TNS3: variants seen among roughly 807,000 people sequenced by gnomAD.
TNS3 encodes the protein tensin 3.
TNS3 carries 45 observed loss-of-function variants against 140.9 expected under a neutral mutation model. The ratio of observed to expected loss-of-function variants is 0.32; its 90% CI spans 0.25 to 0.41. The LOEUF is 0.41. Among genes scored for constraint, TNS3 ranks in the 10% least tolerant of loss-of-function variants. The pLI, the probability that TNS3 is intolerant of heterozygous loss-of-function variation, is 1.00. For missense variants in TNS3, 1,716 were observed against 1,906.7 expected (o/e 0.90, Z 1.86); for synonymous variants, 815 against 788.4 (o/e 1.03, Z -0.56).
intron 24 of TNS3, among the ~76,000 whole-genome samples, chr7:47,295,787 C>A (rs1785982490): frequency 6.6e-6 from 1 of 152,176 alleles, no homozygotes; most frequent in Non-Finnish European, 1.5e-5. Flanking sequence ...CTGCCTGAGG[C>A]TGGACCTCCT....
chr7:47,377,695 T>G (rs1341905490), intron 16 of TNS3, among the ~76,000 whole-genome samples: 1 of 73,718 alleles, frequency 1.4e-5, no homozygotes, highest in East Asian at 3.3e-4. Flanking sequence ...CTTCCTTCCC[T>G]CTTCCTCTTT....
intron 17 of TNS3, among the ~76,000 whole-genome samples, chr7:47,356,424 T>G (rs2151062922): frequency 6.6e-6 from 1 of 152,196 alleles, no homozygotes; most frequent in East Asian, 1.9e-4. Context: ...AAAGCAAGTC[T>G]GACATCCAGG....
intron 17 of TNS3, among the ~76,000 whole-genome samples, chr7:47,367,413 A>C (rs1790767584): frequency 6.6e-6 from 1 of 152,092 alleles, no homozygotes; most frequent in Non-Finnish European, 1.5e-5. Flanking sequence ...CCAACATGCA[A>C]CTTGCCCCAT....
chr7:47,436,820 T>A (rs916115378), intron 7 of TNS3, among the ~76,000 whole-genome samples: 1 of 152,142 alleles, frequency 6.6e-6, no homozygotes, highest in Non-Finnish European at 1.5e-5. Flanking sequence ...ATATGCAGTA[T>A]ATATGAAAGA....
At chr7:47,302,915 G>A in intron 22 of TNS3, 35 bp downstream of exon 22, 1 of 1,564,016 alleles carries the variant, frequency 6.4e-7, no homozygotes, top group Non-Finnish European at 8.7e-7. Context: ...TGAATGGACA[G>A]AGGGGCCCTT....
chr7:47,396,262 A>G (rs536444523), intron 16 of TNS3, among the ~76,000 whole-genome samples: 10 of 152,234 alleles, frequency 6.6e-5, no homozygotes, highest in African/African-American at 2.4e-4. Flanking sequence ...GCTCCTAGCT[A>G]TGACCCAATG....
intron 17 of TNS3, among the ~76,000 whole-genome samples, chr7:47,361,772 AG>A (rs1461919752): frequency 1.3e-5 from 2 of 152,174 alleles, no homozygotes; most frequent in South Asian, 2.1e-4. Flanking sequence ...CGAGTCTGGG[AG>A]GGACATTAAA....
chr7:47,394,706 A>G (rs530591870), intron 16 of TNS3, among the ~76,000 whole-genome samples: 2 of 152,366 alleles, frequency 1.3e-5, no homozygotes, highest in East Asian at 3.9e-4. Flanking sequence ...GATTCTCCGT[A>G]AAGTTTCATG....
intron 4 of TNS3, among the ~76,000 whole-genome samples, chr7:47,479,456 C>T (rs1797330256): frequency 1.3e-5 from 2 of 152,158 alleles, no homozygotes; most frequent in African/African-American, 4.8e-5. Context: ...CAAACACAGG[C>T]TCCCAAGTCC....
chr7:47,283,013 T>C (rs899783569), intron 28 of TNS3, among the ~76,000 whole-genome samples: 1 of 152,036 alleles, frequency 6.6e-6, no homozygotes, highest in East Asian at 1.9e-4. Context: ...GCTGCTGCCA[T>C]CATGCTGCTG....
chr7:47,363,502 G>A (rs555848132), intron 17 of TNS3, among the ~76,000 whole-genome samples: 2 of 152,342 alleles, frequency 1.3e-5, no homozygotes, highest in East Asian at 1.9e-4. Flanking sequence ...TCTACCACAA[G>A]TGGTGGTCTT....
At chr7:47,552,112 CT>C (rs201933356) in intron 1 of TNS3, among the ~76,000 whole-genome samples, 1 of 150,934 alleles carries the variant, frequency 6.6e-6, no homozygotes, top group Non-Finnish European at 1.5e-5. Context: ...TAATTCATTT[CT>C]TTTTTTTTCA....
chr7:47,480,786 A>G (rs1797385075), intron 4 of TNS3, among the ~76,000 whole-genome samples: 1 of 152,230 alleles, frequency 6.6e-6, no homozygotes, highest in Non-Finnish European at 1.5e-5. Flanking sequence ...CACTAAGACA[A>G]CAGACTTGTG....
chr7:47,568,543 G>A (rs1259046978), intron 1 of TNS3, among the ~76,000 whole-genome samples: 3 of 152,218 alleles, frequency 2.0e-5, no homozygotes, highest in Non-Finnish European at 1.5e-5. Flanking sequence ...GTGAATGAAT[G>A]AATAAAGGAA....
intron 10 of TNS3, among the ~76,000 whole-genome samples, chr7:47,421,836 A>G (rs1794388289): frequency 1.3e-5 from 2 of 152,178 alleles, no homozygotes; most frequent in African/African-American, 4.8e-5. Flanking sequence ...TTGACCTCCC[A>G]TCAGAGTTGC....
intron 9 of TNS3, among the ~76,000 whole-genome samples, chr7:47,427,741 C>T (rs910991780): frequency 2.0e-5 from 3 of 152,200 alleles, no homozygotes; most frequent in African/African-American, 7.2e-5. Context: ...CCAGACCTGG[C>T]TCTCCACTCC....
At chr7:47,578,167 G>C (rs1800717376) in intron 1 of TNS3, among the ~76,000 whole-genome samples, 1 of 151,986 alleles carries the variant, frequency 6.6e-6, no homozygotes, top group Non-Finnish European at 1.5e-5. Context: ...ACAAAAATTA[G>C]CTGGGCATGG....
At chr7:47,537,866 G>A (rs77742508) in intron 1 of TNS3, among the ~76,000 whole-genome samples, 3,091 of 152,164 alleles carry the variant, frequency 0.02, 56 homozygotes, top group South Asian at 0.046. Context: ...ACCAGGTAAG[G>A]ATTTCAAGCA....
At chr7:47,517,687 A>G (rs977290507) in intron 2 of TNS3, among the ~76,000 whole-genome samples, 1 of 152,224 alleles carries the variant, frequency 6.6e-6, no homozygotes, top group Non-Finnish European at 1.5e-5. Context: ...ACATTCATGA[A>G]TGTACACTGC....
Sources: gnomAD v4.1 joint callset for allele counts (sites outside exome capture counted in the v4.1 genomes callset) on GRCh38, gnomAD v4.1.1 for gene constraint, MANE v1.5 for transcripts, NCBI Gene and HGNC (gene_info 2026-07-23, HGNC 2026-07-21) for gene names.